PTPRD: variants seen among roughly 807,000 people sequenced by gnomAD.
The protein encoded by PTPRD is receptor-type tyrosine-protein phosphatase delta.
A neutral mutation model predicts 214.5 loss-of-function variants in PTPRD; 34 were observed. The ratio of observed to expected loss-of-function variants is 0.16; its 90% CI spans 0.12 to 0.21. PTPRD has a LOEUF of 0.21. Ranked by LOEUF, PTPRD falls within the 10% of genes least tolerant of loss-of-function variation. The pLI, the probability that PTPRD is intolerant of heterozygous loss-of-function variation, is 1.00. For missense variants in PTPRD, 2,545 were observed against 2,398.7 expected (o/e 1.06, Z -1.27); for synonymous variants, 1,128 against 845.7 (o/e 1.33, Z -5.79).
chr9:9,893,902 C>A (rs1422775085), intron 5 of PTPRD, among the ~76,000 whole-genome samples: 1 of 151,976 alleles, frequency 6.6e-6, no homozygotes, highest in Non-Finnish European at 1.5e-5. Context: ...CTCACTGTAA[C>A]CTTAAACTCA....
chr9:8,518,334 A>G lies in PTPRD; in HGVS notation c.1057T>C (p.Tyr353His), dbSNP rs2097823260. 2 of 1,614,146 alleles carry G rather than the reference A, an allele frequency of 1.2e-6. No homozygotes were observed. The highest frequency in any genetic ancestry group is 1.7e-6 in the Non-Finnish European group (2 of 1,180,012). ...TTAGGTTTATGCTGAATTATGTAAT[A>G]AGAAACAGGCTCAGGGTTCCCAGAG... ...WDSGNPEPVSYYIIQHKPKNS... is the reference protein window; with the variant it reads ...WDSGNPEPVSHYIIQHKPKNS... Residue 353 changes from tyrosine (Y) to histidine (H), a missense_variant, in exon 21 of 46, where the codon TAT (tyrosine) becomes CAT (histidine). Transcript: ENST00000381196.
intron 5 of PTPRD, among the ~76,000 whole-genome samples, chr9:9,792,061 A>C (rs1358337290): frequency 6.6e-6 from 1 of 152,162 alleles, no homozygotes; most frequent in Non-Finnish European, 1.5e-5. Flanking sequence ...ATGGGACTCC[A>C]AGGATTAAAA....
At chr9:9,651,839 T>TTG (rs2096365092) in intron 7 of PTPRD, among the ~76,000 whole-genome samples, 1 of 132,542 alleles carries the variant, frequency 7.5e-6, no homozygotes, top group Non-Finnish European at 1.6e-5. Flanking sequence ...TTTTTTTTTT[T>TTG]TTTTTTTTTT....
chr9:8,984,253 T>C (rs1320427480), intron 11 of PTPRD, among the ~76,000 whole-genome samples: 4 of 152,096 alleles, frequency 2.6e-5, no homozygotes, highest in Non-Finnish European at 5.9e-5. Context: ...TCAAACATTT[T>C]ATAAATTTTT....
intron 10 of PTPRD, 42 bp from the exon 11 acceptor site, chr9:9,018,777 C>T (rs1254384186): frequency 6.6e-6 from 1 of 152,232 alleles, no homozygotes; most frequent in Admixed American, 6.5e-5. Context: ...AATGTGAAAA[C>T]GATGCTATTA....
At chr9:9,783,841 T>C (rs2154491995) in intron 5 of PTPRD, among the ~76,000 whole-genome samples, 1 of 146,934 alleles carries the variant, frequency 6.8e-6, no homozygotes, top group Non-Finnish European at 1.5e-5. Context: ...TTTTTTTAAT[T>C]AAACTTGGTT....
chr9:9,342,038 A>T (rs1249820073), intron 9 of PTPRD, among the ~76,000 whole-genome samples: 1 of 152,030 alleles, frequency 6.6e-6, no homozygotes, highest in East Asian at 1.9e-4. Flanking sequence ...CAAACTCCTG[A>T]CCTCAAGTGA....
intron 26 of PTPRD, among the ~76,000 whole-genome samples, chr9:8,496,177 C>T (rs1458045361): frequency 1.6e-5 from 2 of 126,020 alleles, no homozygotes; most frequent in Non-Finnish European, 1.7e-5. Flanking sequence ...CTCCAACACA[C>T]ACACACACAC....
chr9:8,738,100 C>G (rs1027307008), intron 11 of PTPRD, among the ~76,000 whole-genome samples: 1 of 152,168 alleles, frequency 6.6e-6, no homozygotes, highest in African/African-American at 2.4e-5. Flanking sequence ...TTCCAATTAA[C>G]TGAATTGTAT....
chr9:9,935,669 T>A (rs1370669965), intron 5 of PTPRD, among the ~76,000 whole-genome samples: 1 of 147,760 alleles, frequency 6.8e-6, no homozygotes, highest in African/African-American at 2.7e-5. Context: ...ATTTACAGAT[T>A]CAATGCCATC....
intron 7 of PTPRD, among the ~76,000 whole-genome samples, chr9:9,622,970 C>T (rs997573196): frequency 5.1e-4 from 78 of 152,118 alleles, no homozygotes; most frequent in African/African-American, 1.9e-3. Flanking sequence ...CTTCAATGAG[C>T]AATCAGATAG....
At chr9:10,605,503 G>C (rs10809132) in intron 2 of PTPRD, among the ~76,000 whole-genome samples, 25,710 of 151,712 alleles carry the variant, frequency 0.17, 2,413 homozygotes, top group Admixed American at 0.25. Flanking sequence ...GGAGTGAGAA[G>C]ATGATGAAGG....
intron 11 of PTPRD, among the ~76,000 whole-genome samples, chr9:8,902,669 G>C (rs755165458): frequency 1.3e-5 from 2 of 151,944 alleles, no homozygotes; most frequent in Non-Finnish European, 2.9e-5. Context: ...TTAACAAGAT[G>C]TTTGATGATT....
chr9:8,921,327 A>G (rs73422063), intron 11 of PTPRD, among the ~76,000 whole-genome samples: 118 of 151,234 alleles, frequency 7.8e-4, no homozygotes, highest in African/African-American at 2.8e-3. Flanking sequence ...TCTCTCACAC[A>G]CAGACATACC....
intron 5 of PTPRD, among the ~76,000 whole-genome samples, chr9:9,794,028 C>T (rs926394701): frequency 6.6e-5 from 10 of 151,998 alleles, no homozygotes; most frequent in Admixed American, 2.6e-4. Flanking sequence ...TTTTGTCCTA[C>T]GCGAGGCATT....
intron 2 of PTPRD, among the ~76,000 whole-genome samples, chr9:10,480,089 A>C (rs779468536): frequency 1.3e-5 from 2 of 151,030 alleles, no homozygotes; most frequent in Non-Finnish European, 2.9e-5. Flanking sequence ...TAATGGTTTT[A>C]TGACCTATTT....
chr9:10,045,418 G>C (rs2097370412), intron 3 of PTPRD, among the ~76,000 whole-genome samples: 1 of 151,542 alleles, frequency 6.6e-6, no homozygotes, highest in South Asian at 2.1e-4. Context: ...TTCTATATCT[G>C]TACTTAATCT....
In PTPRD at chr9:9,645,871, T is replaced by C. The variant is rs145083279; in HGVS notation, c.-286-71090A>G. ...TCATCAAATGTACAAGCAAATTTCC[T>C]AAAGCATTTCAAAATTGTTTTAAAT... On this transcript the variant is annotated intron_variant, in intron 7 of 45. Transcript: ENST00000381196. 2.2e-3 allele frequency among the ~76,000 whole-genome samples: 329 copies of C among 152,310 alleles called. 1 individual carries two copies. The highest frequency in any genetic ancestry group is 2.6e-3 in the Non-Finnish European group (176 of 68,004).
chr9:9,267,978 T>C (rs887403321), intron 9 of PTPRD, among the ~76,000 whole-genome samples: 2 of 151,318 alleles, frequency 1.3e-5, no homozygotes, highest in Admixed American at 1.3e-4. Context: ...AAGACAAGGA[T>C]GTCCACTCTC....
Sources: gnomAD v4.1 joint callset for allele counts (sites outside exome capture counted in the v4.1 genomes callset) on GRCh38, gnomAD v4.1.1 for gene constraint, MANE v1.5 for transcripts, NCBI Gene and HGNC (gene_info 2026-07-23, HGNC 2026-07-21) for gene names.